Variants in NPNT observed in about 807,000 individuals in gnomAD.
NPNT encodes preosteoblast EGF-like repeat protein with MAM domain.
NPNT carries 45 observed loss-of-function variants against 68.6 expected under a neutral mutation model. The ratio of observed to expected loss-of-function variants is 0.66; its 90% confidence interval spans 0.52 to 0.84. The LOEUF (loss-of-function observed/expected upper bound fraction) is 0.84. Among genes scored for constraint, NPNT ranks in the 40% least tolerant of loss-of-function variants. NPNT has a pLI of 0.00. For missense variants in NPNT, 672 were observed against 714.8 expected, an observed-to-expected ratio of 0.94 and a Z score of 0.68; for synonymous variants, 233 against 253.3, an observed-to-expected ratio of 0.92 and a Z score of 0.76.
chr4:105,913,045 T>G (rs1578594452), intron 2 of NPNT, among the ~76,000 whole-genome samples: 1 of 152,196 alleles, frequency 6.6e-6, no homozygotes, highest in Non-Finnish European at 1.5e-5. Flanking sequence ...TTTTTTATTT[T>G]TAGTAGAGAT....
intron 8 of NPNT, among the ~76,000 whole-genome samples, chr4:105,943,324 A>G (rs1378097371): frequency 6.6e-6 from 1 of 152,230 alleles, no homozygotes; most frequent in Non-Finnish European, 1.5e-5. Context: ...GGAAGATATT[A>G]TAGTTAACAG....
At chr4:105,935,316 G>A (rs1729416029) in intron 3 of NPNT, among the ~76,000 whole-genome samples, 1 of 152,124 alleles carries the variant, frequency 6.6e-6, no homozygotes, top group Admixed American at 6.6e-5. Context: ...AATGCTATTT[G>A]CTATAATATC....
chr4:105,932,861 C>G lies in NPNT; in HGVS notation c.266-4148C>G. On this transcript the variant is annotated intron_variant, in intron 3 of 11. Coordinates refer to ENST00000379987, the MANE Select transcript of NPNT (RefSeq NM_001033047.3). The stretch of plus-strand genomic sequence containing the variant: ...CAGGAATTGCCACCTGGTGCTGATT[C>G]TCTGTGCTCTGAAAAGCATGGAGCC... The G allele has an allele frequency of 5.4e-6, 3 of 556,606 alleles. No homozygotes were observed. In the South Asian group the frequency reaches 7.2e-5, roughly 13 times the overall value. The allele number at this position is 556,606 out of a possible 1,614,324, so 34.5% of individuals were successfully genotyped here.
At chr4:105,944,235 C>A (rs1330726892) in intron 8 of NPNT, among the ~76,000 whole-genome samples, 4 of 151,884 alleles carry the variant, frequency 2.6e-5, no homozygotes, top group Non-Finnish European at 5.9e-5. Context: ...TTCTCCTCAC[C>A]CCCTCTCTCC....
At chr4:105,896,627 C>T (rs1313108655) in intron 1 of NPNT, among the ~76,000 whole-genome samples, 1 of 152,220 alleles carries the variant, frequency 6.6e-6, no homozygotes, top group Non-Finnish European at 1.5e-5. Context: ...CTGCCCCCAC[C>T]CCTCCGTGTA....
chr4:105,931,639 A>G (rs1729109740), intron 3 of NPNT, among the ~76,000 whole-genome samples: 1 of 146,056 alleles, frequency 6.8e-6, no homozygotes, highest in South Asian at 2.3e-4. Flanking sequence ...CCTGGCTAAC[A>G]CGGTGAAACC....
At chr4:105,896,595 G>A (rs1455922933) in intron 1 of NPNT, among the ~76,000 whole-genome samples, 1 of 152,194 alleles carries the variant, frequency 6.6e-6, no homozygotes, top group African/African-American at 2.4e-5. Flanking sequence ...ACCGTCGCCC[G>A]GTCGCCTTCC....
intron 3 of NPNT, among the ~76,000 whole-genome samples, chr4:105,930,504 A>G (rs766249275): frequency 1.5e-4 from 23 of 152,238 alleles, no homozygotes; most frequent in Non-Finnish European, 2.8e-4. Flanking sequence ...TAGTGCCTAC[A>G]TAGCAGATTA....
intron 8 of NPNT, among the ~76,000 whole-genome samples, chr4:105,957,006 T>C (rs1169199486): frequency 2.0e-5 from 3 of 152,204 alleles, no homozygotes; most frequent in Non-Finnish European, 2.9e-5. Context: ...CTAAAAACAA[T>C]AGGAACATCG....
chr4:105,968,104 C>A (rs1480471196), intron 11 of NPNT, among the ~76,000 whole-genome samples: 1 of 152,154 alleles, frequency 6.6e-6, no homozygotes, highest in Non-Finnish European at 1.5e-5. Context: ...AAAATGTCAT[C>A]ATTTTGCTGG....
At position 105,958,486 on chromosome 4, in the gene NPNT, C is replaced by T; in HGVS notation, c.1175C>T (p.Ser392Leu). 6.2e-7 allele frequency: 1 copy of T among 1,610,664 alleles called. No individual in the cohort carries two copies. The highest frequency in any genetic ancestry group is 8.5e-7 in the Non-Finnish European group (1 of 1,177,660). Residue 392 changes from serine to leucine, a missense_variant, in exon 9 of 12, where the codon TCA (serine) becomes TTA (leucine). Coordinates refer to ENST00000379987, the MANE Select transcript of NPNT (RefSeq NM_001033047.3). Reference protein sequence around the residue: ...RGDVFIPRQPSNDLFEIFEIE... With the variant: ...RGDVFIPRQPLNDLFEIFEIE... ...TCTCTTGCAGTTCCACGGCAACCTTCAAATGACTTGTTTGAAATATTTGAA... is the reference window on the plus strand; with the variant it reads ...TCTCTTGCAGTTCCACGGCAACCTTTAAATGACTTGTTTGAAATATTTGAA...
chr4:105,946,832 G>A (rs1263655014), intron 8 of NPNT, among the ~76,000 whole-genome samples: 1 of 152,204 alleles, frequency 6.6e-6, no homozygotes, highest in Non-Finnish European at 1.5e-5. Context: ...GTTTAGTGGT[G>A]CACGTATTGT....
intron 3 of NPNT, among the ~76,000 whole-genome samples, chr4:105,928,535 C>G (rs1728859067): frequency 1.3e-5 from 2 of 150,808 alleles, no homozygotes; most frequent in Admixed American, 6.6e-5. Flanking sequence ...ATCACTTGAA[C>G]CCAGGAGGCG....
chr4:105,923,904 T>G (rs927369941), intron 2 of NPNT, among the ~76,000 whole-genome samples: 5 of 152,014 alleles, frequency 3.3e-5, no homozygotes, highest in African/African-American at 1.2e-4. Context: ...GGGAAAGAGA[T>G]ATTGGTAAGA....
chr4:105,946,169 G>A (rs1730369745), intron 8 of NPNT, among the ~76,000 whole-genome samples: 2 of 152,160 alleles, frequency 1.3e-5, no homozygotes, highest in Non-Finnish European at 2.9e-5. Context: ...TTTCCTGTAA[G>A]TATAAACAAA....
chr4:105,937,008 G>A lies in NPNT; in HGVS notation c.266-1G>A, dbSNP rs1729542473. ...TCTGCTTCAACCCACATTGTTTTCA[G>A]ATCTAAATGAGTGTGGCCTGAAGCC... On this transcript the variant is annotated splice_acceptor_variant, in intron 3 of 11. Coordinates refer to ENST00000379987, the MANE Select transcript of NPNT (RefSeq NM_001033047.3). LOFTEE classifies it high-confidence loss of function. 6.2e-7 allele frequency: 1 copy of A among 1,612,272 alleles called. No homozygotes were observed. The highest frequency in any genetic ancestry group is 8.5e-7 in the Non-Finnish European group (1 of 1,179,258).
intron 2 of NPNT, among the ~76,000 whole-genome samples, chr4:105,900,999 T>C (rs952755517): frequency 3.3e-5 from 5 of 152,188 alleles, no homozygotes; most frequent in African/African-American, 1.2e-4. Context: ...TTTAATATGT[T>C]CACACACTGA....
intron 3 of NPNT, among the ~76,000 whole-genome samples, chr4:105,933,950 T>A (rs1257712695): frequency 1.3e-5 from 2 of 152,158 alleles, no homozygotes; most frequent in African/African-American, 4.8e-5. Context: ...TATCCTTTAG[T>A]ATAAGATAAG....
At chr4:105,965,290 A>T (rs1732026393) in intron 10 of NPNT, among the ~76,000 whole-genome samples, 1 of 147,904 alleles carries the variant, frequency 6.8e-6, no homozygotes, top group South Asian at 2.2e-4. Flanking sequence ...CACTGAATCA[A>T]TTTTTCCCTT....
Sources: gnomAD v4.1 joint callset for allele counts (sites outside exome capture counted in the v4.1 genomes callset) on GRCh38, gnomAD v4.1.1 for gene constraint, MANE v1.5 for transcripts, NCBI Gene and HGNC (gene_info 2026-07-23, HGNC 2026-07-21) for gene names.